The following RHEB variants were observed in gnomAD, a reference collection of about 807,000 sequenced individuals.
The protein encoded by RHEB is GTP-binding protein Rheb.
A neutral mutation model predicts 28.8 loss-of-function variants in RHEB; 2 were observed. That is an observed-to-expected ratio of 0.07 (90% CI 0.03 to 0.22). RHEB has a LOEUF of 0.22. Among genes scored for constraint, RHEB ranks in the 10% least tolerant of loss-of-function variants. RHEB has a pLI of 1.00. For synonymous variants in RHEB, 69 were observed against 77.3 expected (o/e 0.89, Z 0.56); for missense variants, 76 against 219.9 (o/e 0.35, Z 4.14).
At chr7:151,512,959 G>A (rs1167005870) in intron 1 of RHEB, among the ~76,000 whole-genome samples, 1 of 152,190 alleles carries the variant, frequency 6.6e-6, no homozygotes, top group Non-Finnish European at 1.5e-5. Context: ...CCCTTGGCAT[G>A]AATCAAAAAC....
chr7:151,516,186 C>T (rs771203915), intron 1 of RHEB, among the ~76,000 whole-genome samples: 44 of 152,018 alleles, frequency 2.9e-4, no homozygotes, highest in Non-Finnish European at 5.3e-4. Flanking sequence ...TTATAGGTGA[C>T]GTGTCCTTAA....
intron 2 of RHEB, among the ~76,000 whole-genome samples, chr7:151,487,694 G>A (rs1802505478): frequency 6.6e-6 from 1 of 152,020 alleles, no homozygotes; most frequent in African/African-American, 2.4e-5. Flanking sequence ...GGATAGACTC[G>A]GAAATAATTC....
rs1444508785 is a variant in RHEB at position 151,519,801 on chromosome 7, G to T, written c.-290C>A. The stretch of plus-strand genomic sequence containing the variant: ...GCCCCCCGAAATACGCGGGGGGTGC[G>T]TCGGGGCGACGTTTTACTTTAAAGG... On this transcript the variant is annotated 5_prime_UTR_variant, in exon 1 of 8. Transcript: ENST00000262187. 1 of 304,078 alleles carries T rather than the reference G, an allele frequency of 3.3e-6. No individual in the cohort carries two copies. Among genetic ancestry groups the T allele is most frequent in the Non-Finnish European group, 6.0e-6 (1 of 165,406 alleles). The allele number at this position is 304,078 out of a possible 1,614,324, so 18.8% of individuals were successfully genotyped here. A position where few individuals can be genotyped will look rare whatever the true frequency, so the allele number is the denominator to read the frequency against.
intron 1 of RHEB, among the ~76,000 whole-genome samples, chr7:151,513,762 T>C (rs1007970842): frequency 3.3e-5 from 5 of 152,206 alleles, no homozygotes; most frequent in African/African-American, 4.8e-5. Flanking sequence ...AAGTACTCCT[T>C]ACTTCATTAA....
chr7:151,480,766 C>T lies in RHEB; in HGVS notation c.193-3351G>A, dbSNP rs575850582. Among the ~76,000 whole-genome samples, 5 of 151,818 alleles carry T rather than the reference C, an allele frequency of 3.3e-5. No individual in the cohort carries two copies. In the South Asian group the frequency reaches 1.0e-3, roughly 32 times the overall value. ...ATGGTGCAATCTTGGGTTACTACAA[C>T]CTCCGCCTCCTGGGTTCAAGCAATT... is the stretch of plus-strand genomic sequence containing the variant. On this transcript the variant is annotated intron_variant, in intron 3 of 7. Coordinates refer to ENST00000262187, the MANE Select transcript of RHEB (RefSeq NM_005614.4).
chr7:151,512,594 C>A (rs1351715224), intron 1 of RHEB, among the ~76,000 whole-genome samples: 1 of 152,206 alleles, frequency 6.6e-6, no homozygotes, highest in Admixed American at 6.5e-5. Context: ...TCCATTCTAA[C>A]CACGCCAAGT....
At chr7:151,474,123 A>G (rs1476538003) in intron 4 of RHEB, among the ~76,000 whole-genome samples, 1 of 152,198 alleles carries the variant, frequency 6.6e-6, no homozygotes, top group Non-Finnish European at 1.5e-5. Context: ...GCTTTAAAAC[A>G]AAACACTGGA....
At chr7:151,493,848 A>G (rs6980422) in intron 1 of RHEB, among the ~76,000 whole-genome samples, 5,796 of 152,300 alleles carry the variant, frequency 0.038, 330 homozygotes, top group African/African-American at 0.13. Flanking sequence ...AAATAGCAAG[A>G]AGAAAACTCC....
intron 1 of RHEB, among the ~76,000 whole-genome samples, chr7:151,516,842 A>T (rs1310982272): frequency 6.6e-6 from 1 of 152,132 alleles, no homozygotes; most frequent in Admixed American, 6.6e-5. Context: ...TATAGGACAA[A>T]CAGCTCAGCA....
At chr7:151,471,681 G>A in intron 4 of RHEB, 76 bp from the exon 5 acceptor site, 1 of 941,432 alleles carries the variant, frequency 1.1e-6, no homozygotes, top group Non-Finnish European at 1.7e-6. Context: ...TTGCCAGCTG[G>A]AAAAATGTAA....
At chr7:151,507,886 G>A (rs1802916480) in intron 1 of RHEB, among the ~76,000 whole-genome samples, 1 of 152,040 alleles carries the variant, frequency 6.6e-6, no homozygotes, top group Admixed American at 6.6e-5. Flanking sequence ...TTTCATAAAT[G>A]AAGAATTTTA....
chr7:151,496,081 G>T (rs574880200), intron 1 of RHEB, among the ~76,000 whole-genome samples: 11 of 152,180 alleles, frequency 7.2e-5, no homozygotes, highest in Admixed American at 2.0e-4. Flanking sequence ...CATTAGAACC[G>T]ATGTAATGCA....
At chr7:151,467,474 C>T (rs943512391) in intron 7 of RHEB, among the ~76,000 whole-genome samples, 2 of 152,102 alleles carry the variant, frequency 1.3e-5, no homozygotes, top group Non-Finnish European at 2.9e-5. Context: ...AGAGTCCTCA[C>T]TCCCAGACTC....
intron 3 of RHEB, among the ~76,000 whole-genome samples, chr7:151,482,303 G>A (rs1385293981): frequency 6.6e-6 from 1 of 152,138 alleles, no homozygotes; most frequent in Admixed American, 6.5e-5. Context: ...GGACTGCAGT[G>A]GTGCTATCAC....
chr7:151,515,352 G>C (rs1370546359), intron 1 of RHEB, among the ~76,000 whole-genome samples: 6 of 152,236 alleles, frequency 3.9e-5, no homozygotes, highest in Non-Finnish European at 5.9e-5. Context: ...GCAGGATGGA[G>C]AGTGACTGCT....
At chr7:151,511,983 G>A (rs1802999689) in intron 1 of RHEB, among the ~76,000 whole-genome samples, 1 of 152,196 alleles carries the variant, frequency 6.6e-6, no homozygotes, top group Non-Finnish European at 1.5e-5. Context: ...AGCAATTCAT[G>A]TTAAAAGGAC....
chr7:151,503,120 G>T (rs1355382378), intron 1 of RHEB: 2 of 814,032 alleles, frequency 2.5e-6, no homozygotes, highest in Admixed American at 3.4e-5. Flanking sequence ...AATTCTAATG[G>T]TCTATGAAAA....
At chr7:151,513,308 C>T (rs1364352399) in intron 1 of RHEB, among the ~76,000 whole-genome samples, 1 of 152,096 alleles carries the variant, frequency 6.6e-6, no homozygotes, top group Non-Finnish European at 1.5e-5. Context: ...GAATAGCTGG[C>T]AGACATTTTC....
chr7:151,511,804 C>G (rs1037706744), intron 1 of RHEB, among the ~76,000 whole-genome samples: 1 of 152,124 alleles, frequency 6.6e-6, no homozygotes, highest in African/African-American at 2.4e-5. Context: ...GCGCCCACCA[C>G]CACGCCCAGC....
Sources: allele counts gnomAD v4.1 joint callset (sites outside exome capture counted in the v4.1 genomes callset), GRCh38; gene constraint gnomAD v4.1.1; transcripts MANE v1.5; gene names NCBI Gene and HGNC (gene_info 2026-07-23, HGNC 2026-07-21).